The following LAMA3 variants were observed in gnomAD, a reference collection of about 807,000 sequenced individuals.
The protein encoded by LAMA3 is laminin subunit alpha 3, also known as laminin subunit alpha-3.
A neutral mutation model predicts 402.0 loss-of-function variants in LAMA3; 281 were observed. The ratio of observed to expected loss-of-function variants is 0.70; its 90% CI spans 0.63 to 0.77. The LOEUF (loss-of-function observed/expected upper bound fraction) is 0.77, where lower values mean the gene tolerates loss of function less well. Among genes scored for constraint, LAMA3 ranks in the 30% least tolerant of loss-of-function variants. LAMA3 has a pLI of 0.00. For missense variants in LAMA3, 3,840 were observed against 4,215.5 expected, an observed-to-expected ratio of 0.91 and a Z score of 2.47; for synonymous variants, 1,431 against 1,558.4, an observed-to-expected ratio of 0.92 and a Z score of 1.93.
At chr18:23,911,426 A>G (rs1232038180) in intron 55 of LAMA3, among the ~76,000 whole-genome samples, 1 of 152,210 alleles carries the variant, frequency 6.6e-6, no homozygotes, top group Non-Finnish European at 1.5e-5. Context: ...TCTATTATAT[A>G]TAGTTATAAA....
intron 16 of LAMA3, 35 bp from the exon 17 acceptor site, chr18:23,815,433 T>A: frequency 6.5e-7 from 1 of 1,540,742 alleles, no homozygotes; most frequent in South Asian, 1.1e-5. Flanking sequence ...TCTGTAATTA[T>A]ATCAAATGTT....
intron 33 of LAMA3, 93 bp from the exon 34 acceptor site, chr18:23,858,596 T>A: frequency 8.8e-7 from 1 of 1,134,572 alleles, no homozygotes; most frequent in Non-Finnish European, 1.3e-6. Context: ...CATCCTAACA[T>A]CTTGTGTTGG....
chr18:23,787,705 C>T (rs1422109466), intron 12 of LAMA3, among the ~76,000 whole-genome samples: 1 of 152,068 alleles, frequency 6.6e-6, no homozygotes, highest in Non-Finnish European at 1.5e-5. Context: ...AACTGTCAAC[C>T]AAGAATCTCC....
intron 62 of LAMA3, among the ~76,000 whole-genome samples, chr18:23,924,496 A>T (rs1405912706): frequency 6.0e-5 from 9 of 149,816 alleles, no homozygotes; most frequent in African/African-American, 2.2e-4. Flanking sequence ...CAAACAAGGG[A>T]CTGCTTCCTT....
At chr18:23,697,263 A>G (rs2060701733) in intron 1 of LAMA3, among the ~76,000 whole-genome samples, 1 of 152,152 alleles carries the variant, frequency 6.6e-6, no homozygotes, top group African/African-American at 2.4e-5. Context: ...TTAGCCCCCA[A>G]CATTTGCAAT....
intron 42 of LAMA3, among the ~76,000 whole-genome samples, chr18:23,891,128 G>A (rs1057123433): frequency 3.9e-5 from 6 of 152,218 alleles, no homozygotes; most frequent in Admixed American, 3.9e-4. Flanking sequence ...GTGGGGCACA[G>A]ATGCTTATGT....
chr18:23,847,350 A>T (rs1176272920), intron 31 of LAMA3, 114 bp from the exon 32 acceptor site: 2 of 1,130,878 alleles, frequency 1.8e-6, no homozygotes, highest in African/African-American at 1.5e-5. Context: ...TTCAGATCCA[A>T]ATATTTCTCT....
At position 23,752,725 on chromosome 18, in the gene LAMA3, G is replaced by A. The variant is rs192764599; in HGVS notation, c.856-996G>A. Among the ~76,000 whole-genome samples, 486 of 152,288 alleles carry A rather than the reference G, an allele frequency of 3.2e-3. 3 individuals carry two copies. The highest frequency in any genetic ancestry group is 2.7e-3 in the Non-Finnish European group (186 of 68,032). On this transcript the variant is annotated intron_variant, in intron 5 of 74. Transcript: ENST00000313654. Reference sequence around the variant, plus strand: ...CTTCAGACTAAGATGTTTCCAGGAAGCATTGATACTTTAACAGGTTTTAAT... The same window carrying A: ...CTTCAGACTAAGATGTTTCCAGGAAACATTGATACTTTAACAGGTTTTAAT...
intron 1 of LAMA3, among the ~76,000 whole-genome samples, chr18:23,695,632 G>A (rs904462690): frequency 1.3e-5 from 2 of 151,020 alleles, no homozygotes; most frequent in African/African-American, 4.9e-5. Context: ...AACCAGCCTG[G>A]CCAAATAAAA....
chr18:23,927,653 C>T (rs937314962), intron 62 of LAMA3, among the ~76,000 whole-genome samples: 3 of 152,068 alleles, frequency 2.0e-5, no homozygotes, highest in African/African-American at 7.2e-5. Flanking sequence ...TTTACAGTGG[C>T]TAACTTAACA....
In LAMA3 at chr18:23,932,300, T is replaced by A. The variant is rs1335305301; in HGVS notation, c.8708+9T>A. 4 of 1,613,648 alleles carry A rather than the reference T, an allele frequency of 2.5e-6. No homozygotes were observed. In the South Asian group the frequency reaches 4.4e-5, roughly 18 times the overall value. On this transcript the variant is annotated intron_variant, in intron 66 of 74. Coordinates refer to ENST00000313654, the MANE Select transcript of LAMA3 (RefSeq NM_198129.4). ...AATGTTTTTGTCCAGAGGTAGGTGATCCTCTCTTTGTGGGTAACTGATGAG... is the reference window on the plus strand; with the variant it reads ...AATGTTTTTGTCCAGAGGTAGGTGAACCTCTCTTTGTGGGTAACTGATGAG...
intron 2 of LAMA3, among the ~76,000 whole-genome samples, chr18:23,714,377 G>A (rs549657545): frequency 5.3e-5 from 8 of 152,056 alleles, no homozygotes; most frequent in Admixed American, 3.3e-4. Flanking sequence ...AAAATTAGCC[G>A]GGTGTGGTGG....
At chr18:23,794,031 G>A (rs891479650) in intron 12 of LAMA3, among the ~76,000 whole-genome samples, 5 of 152,222 alleles carry the variant, frequency 3.3e-5, no homozygotes, top group South Asian at 2.1e-4. Context: ...CACATAAGAC[G>A]AGATATGGGG....
chr18:23,724,962 C>T (rs1347118521), intron 2 of LAMA3, among the ~76,000 whole-genome samples: 2 of 152,202 alleles, frequency 1.3e-5, no homozygotes, highest in African/African-American at 4.8e-5. Flanking sequence ...TCACTCTTTC[C>T]TTCCTGATGC....
In LAMA3 at chr18:23,810,402, C is replaced by G; in HGVS notation, c.1640C>G (p.Pro547Arg). Residue 547 changes from proline (P) to arginine (R), a missense_variant, in exon 13 of 75, where the codon CCC becomes CGC. Physicochemically the swap from Pro to Arg is moderately radical, Grantham distance 103. This residue lies in a region of LAMA3 where 2,109 missense variants were observed against 2,376.0 expected (regional missense o/e 0.89). Coordinates refer to ENST00000313654, the MANE Select transcript of LAMA3 (RefSeq NM_198129.4). Reference protein sequence around the residue: ...WCSALGSYQMPCSSVTGQCEC... With the variant: ...WCSALGSYQMRCSSVTGQCEC... ...TCAGCCCTTGGATCCTACCAGATGC[C>G]CTGCAGCTCAGTGACTGGACAGTGT... The G allele has an allele frequency of 1.2e-6, 2 of 1,614,122 alleles. No individual in the cohort carries two copies. The highest frequency in any genetic ancestry group is 1.7e-6 in the Non-Finnish European group (2 of 1,180,028).
chr18:23,899,595 G>A, intron 47 of LAMA3, 140 bp downstream of exon 47: 5 of 871,388 alleles, frequency 5.7e-6, no homozygotes, highest in Non-Finnish European at 9.3e-6. Context: ...GCATCACGTG[G>A]TGAAAATTGG....
chr18:23,904,772 AAGGAAT>A, intron 51 of LAMA3, 78 bp downstream of exon 51: 1 of 1,431,376 alleles, frequency 7.0e-7, no homozygotes, highest in Non-Finnish European at 9.7e-7. Context: ...CGTGGGCTCC[AAGGAAT>A]AGAAACAAAG....
chr18:23,938,318 G>A (rs2082374772), intron 67 of LAMA3, among the ~76,000 whole-genome samples: 1 of 152,204 alleles, frequency 6.6e-6, no homozygotes, highest in African/African-American at 2.4e-5. Flanking sequence ...TGAGCTCTGA[G>A]CGCCTGGGAA....
chr18:23,731,971 T>C (rs1287434873), intron 2 of LAMA3, among the ~76,000 whole-genome samples: 3 of 152,138 alleles, frequency 2.0e-5, no homozygotes, highest in Admixed American at 2.0e-4. Context: ...AGGTAAGACA[T>C]TGACTTCAGA....
Sources: gnomAD v4.1 joint callset for allele counts (sites outside exome capture counted in the v4.1 genomes callset) on GRCh38, gnomAD v4.1.1 for gene constraint, gnomAD v4.1.1 regional missense constraint, MANE v1.5 for transcripts, NCBI Gene and HGNC (gene_info 2026-07-23, HGNC 2026-07-21) for gene names.